NEGR1: variants seen among roughly 807,000 people sequenced by gnomAD.
The protein encoded by NEGR1 is neuronal growth regulator 1.
A neutral mutation model predicts 40.9 loss-of-function variants in NEGR1; 10 were observed. The ratio of observed to expected loss-of-function variants is 0.24; its 90% CI spans 0.15 to 0.42. NEGR1 has a LOEUF of 0.42. NEGR1 is among the 10% of genes least tolerant of loss of function. NEGR1 has a pLI of 1.00. For synonymous variants in NEGR1, 185 were observed against 166.8 expected (o/e 1.11, Z -0.84); for missense variants, 352 against 438.9 (o/e 0.80, Z 1.77).
intron 2 of NEGR1, among the ~76,000 whole-genome samples, chr1:71,912,270 T>C (rs1047772672): frequency 6.6e-6 from 1 of 152,198 alleles, no homozygotes; most frequent in Non-Finnish European, 1.5e-5. Flanking sequence ...TCCTAGTCTC[T>C]TCCTCCATCT....
At chr1:71,590,049 C>CT (rs2101517537) in intron 6 of NEGR1, among the ~76,000 whole-genome samples, 1 of 152,220 alleles carries the variant, frequency 6.6e-6, no homozygotes, top group East Asian at 1.9e-4. Flanking sequence ...CGGTTCAACA[C>CT]TAGAGTGCTT....
intron 2 of NEGR1, among the ~76,000 whole-genome samples, chr1:71,900,782 G>A (rs1661122734): frequency 6.6e-6 from 1 of 152,094 alleles, no homozygotes; most frequent in African/African-American, 2.4e-5. Flanking sequence ...TTATTCCATG[G>A]AAAATGTAGA....
intron 2 of NEGR1, among the ~76,000 whole-genome samples, chr1:71,835,199 C>T (rs1195886729): frequency 2.6e-5 from 4 of 152,120 alleles, no homozygotes; most frequent in Non-Finnish European, 5.9e-5. Context: ...TAAATGTCCC[C>T]AGTTCTCTTC....
At chr1:72,143,191 A>C (rs1650752740) in intron 1 of NEGR1, among the ~76,000 whole-genome samples, 1 of 152,024 alleles carries the variant, frequency 6.6e-6, no homozygotes, top group South Asian at 2.1e-4. Flanking sequence ...CTCCCATTCT[A>C]AATTACTTAA....
rs149781115 is a variant in NEGR1 at position 72,094,356 on chromosome 1, A to G, written c.177-159045T>C. On this transcript the variant is annotated intron_variant, in intron 1 of 6. Coordinates refer to ENST00000357731, the MANE Select transcript of NEGR1 (RefSeq NM_173808.3). ...AGGAGCCAGAGAAAAAGTGGGAAAG[A>G]GTATGGCTTACAGAGGAAATAACTT... 2.7e-3 allele frequency among the ~76,000 whole-genome samples: 413 copies of G among 152,294 alleles called. 1 individual carries two copies. Among genetic ancestry groups the G allele is most frequent in the Non-Finnish European group, 4.5e-3 (307 of 68,010 alleles).
intron 1 of NEGR1, among the ~76,000 whole-genome samples, chr1:72,248,496 G>T (rs968984564): frequency 6.6e-6 from 1 of 151,660 alleles, no homozygotes; most frequent in African/African-American, 2.4e-5. Context: ...GACCTCAGGT[G>T]ATCCACCCAT....
chr1:72,164,389 T>C (rs1651696668), intron 1 of NEGR1, among the ~76,000 whole-genome samples: 1 of 152,002 alleles, frequency 6.6e-6, no homozygotes, highest in Admixed American at 6.6e-5. Context: ...AGTCTCTACC[T>C]GCTCTTCAAC....
At chr1:71,961,902 G>C (rs1646168314) in intron 1 of NEGR1, among the ~76,000 whole-genome samples, 2 of 151,924 alleles carry the variant, frequency 1.3e-5, no homozygotes, top group Non-Finnish European at 2.9e-5. Context: ...ACTTCTCTAA[G>C]CTCCATTTGT....
At position 71,928,341 on chromosome 1, in the gene NEGR1, CACACATGTGTATATATATAT is replaced by C. The variant is rs1404178205; in HGVS notation, c.409+6718_409+6737del. On this transcript the variant is annotated intron_variant, in intron 2 of 6. Coordinates refer to ENST00000357731, the MANE Select transcript of NEGR1 (RefSeq NM_173808.3). ...GTATATACGTATATATGTATATATA[CACACATGTGTATATATATAT>C]ACACATATGTATATATGTATATATA... is the stretch of plus-strand genomic sequence containing the variant. Among the ~76,000 whole-genome samples, 109 of 101,706 alleles carry C rather than the reference CACACATGTGTATATATATAT, an allele frequency of 1.1e-3. 7 individuals carry two copies. Among genetic ancestry groups the C allele is most frequent in the Non-Finnish European group, 1.3e-3 (65 of 50,964 alleles). 66.7% of individuals were successfully genotyped at this position (101,706 alleles called of 152,430 possible).
At chr1:71,689,167 C>A (rs534238092) in intron 4 of NEGR1, among the ~76,000 whole-genome samples, 1 of 152,116 alleles carries the variant, frequency 6.6e-6, no homozygotes, top group Admixed American at 6.6e-5. Flanking sequence ...CGTAATAGAA[C>A]GAAATTATCA....
At chr1:71,877,364 T>C in intron 2 of NEGR1, among the ~76,000 whole-genome samples, 1 of 152,122 alleles carries the variant, frequency 6.6e-6, no homozygotes, top group East Asian at 1.9e-4. Context: ...TTTTCATAGT[T>C]CTGAAGGGTG....
intron 5 of NEGR1, among the ~76,000 whole-genome samples, chr1:71,599,312 A>G (rs1262347067): frequency 6.6e-6 from 1 of 152,216 alleles, no homozygotes; most frequent in Non-Finnish European, 1.5e-5. Context: ...AATTATTTTT[A>G]AAGAAAAGAT....
intron 1 of NEGR1, among the ~76,000 whole-genome samples, chr1:72,112,384 T>C (rs1221419671): frequency 6.6e-6 from 1 of 151,714 alleles, no homozygotes; most frequent in Non-Finnish European, 1.5e-5. Flanking sequence ...ATTTCATTTT[T>C]TCCAAAATTT....
chr1:71,915,725 G>A (rs1661558320), intron 2 of NEGR1, among the ~76,000 whole-genome samples: 1 of 152,134 alleles, frequency 6.6e-6, no homozygotes, highest in Admixed American at 6.6e-5. Context: ...GTATGCCTGT[G>A]TAATATCGTA....
chr1:71,773,988 G>A (rs1468304028), intron 3 of NEGR1, among the ~76,000 whole-genome samples: 2 of 152,176 alleles, frequency 1.3e-5, no homozygotes, highest in Non-Finnish European at 2.9e-5. Context: ...TGAAGATAGA[G>A]ATTATGTGTT....
intron 2 of NEGR1, among the ~76,000 whole-genome samples, chr1:71,842,318 C>A (rs887943485): frequency 6.6e-6 from 1 of 152,052 alleles, no homozygotes; most frequent in Non-Finnish European, 1.5e-5. Flanking sequence ...ACTACCTATC[C>A]ATTGAGCTTA....
chr1:71,445,437 A>G (rs1355914229), intron 6 of NEGR1, among the ~76,000 whole-genome samples: 2 of 151,924 alleles, frequency 1.3e-5, no homozygotes, highest in African/African-American at 2.4e-5. Flanking sequence ...AACTCCAAAT[A>G]TTGTTACACT....
At chr1:72,115,512 A>G (rs1480960468) in intron 1 of NEGR1, among the ~76,000 whole-genome samples, 1 of 151,792 alleles carries the variant, frequency 6.6e-6, no homozygotes, top group Non-Finnish European at 1.5e-5. Context: ...CCAGTGATTC[A>G]GAAGACATTA....
At position 72,232,512 on chromosome 1, in the gene NEGR1, G is replaced by A. The variant is rs546589727; in HGVS notation, c.176+49807C>T. On this transcript the variant is annotated intron_variant, in intron 1 of 6. Transcript: ENST00000357731. The stretch of plus-strand genomic sequence containing the variant: ...ATCCTCAGGTAGCAGAATGAGCCAA[G>A]TTAGCAACTATTACCATGGACATAA... Among the ~76,000 whole-genome samples the A allele has an allele frequency of 3.9e-5, 6 of 152,246 alleles. No homozygotes were observed. In the South Asian group the frequency reaches 1.2e-3, roughly 32 times the overall value.
Sources: allele counts gnomAD v4.1 joint callset (sites outside exome capture counted in the v4.1 genomes callset), GRCh38; gene constraint gnomAD v4.1.1; transcripts MANE v1.5; gene names NCBI Gene and HGNC (gene_info 2026-07-23, HGNC 2026-07-21).